The following NCKAP1L variants were observed in gnomAD, a reference collection of about 807,000 sequenced individuals.
NCKAP1L encodes the protein NCK associated protein 1 like, also known as nck-associated protein 1-like.
A neutral mutation model predicts 139.2 loss-of-function variants in NCKAP1L; 53 were observed. The ratio of observed to expected loss-of-function variants is 0.38; its 90% CI spans 0.31 to 0.48. The LOEUF (loss-of-function observed/expected upper bound fraction) is 0.48. Ranked by LOEUF, NCKAP1L falls within the 20% of genes least tolerant of loss-of-function variation. The pLI is 0.98. For missense variants in NCKAP1L, 1,151 were observed against 1,381.9 expected (o/e 0.83, Z 2.65); for synonymous variants, 468 against 499.7 (o/e 0.94, Z 0.85).
At position 54,523,481 on chromosome 12, in the gene NCKAP1L, C is replaced by T. The variant is rs867251323; in HGVS notation, c.1966C>T (p.Pro656Ser). The change falls in exon 19 of 31, where the codon CCC becomes TCC. Residue 656 changes from proline (P) to serine (S), a missense_variant. Transcript: ENST00000293373. ...GAGGCAGACTCCCAGAAAAGGAGAG[C>T]CCGAGAGGGACAAGCCAGGAGCTGA... ...KQRQTPRKGEPERDKPGAESH... is the reference protein window; with the variant it reads ...KQRQTPRKGESERDKPGAESH... 6.2e-7 allele frequency: 1 copy of T among 1,614,062 alleles called. No individual in the cohort carries two copies. The highest frequency in any genetic ancestry group is 8.5e-7 in the Non-Finnish European group (1 of 1,180,014).
At chr12:54,508,211 C>T (rs944098848) in intron 4 of NCKAP1L, among the ~76,000 whole-genome samples, 178 bp from the exon 5 acceptor site, 6 of 152,208 alleles carry the variant, frequency 3.9e-5, no homozygotes, top group African/African-American at 1.4e-4. Flanking sequence ...ATTGAGCTCA[C>T]TTTTAGCCCC....
intron 29 of NCKAP1L, among the ~76,000 whole-genome samples, chr12:54,538,341 T>A (rs144283951): frequency 6.6e-6 from 1 of 152,302 alleles, no homozygotes; most frequent in Non-Finnish European, 1.5e-5. Context: ...TTGCCTTCCC[T>A]TTTATCCTCT....
At chr12:54,501,244 T>C (rs551678783) in intron 3 of NCKAP1L, among the ~76,000 whole-genome samples, 1 of 152,342 alleles carries the variant, frequency 6.6e-6, no homozygotes, top group Admixed American at 6.5e-5. Flanking sequence ...TTCATCAGCC[T>C]AATGTCCTTA....
chr12:54,541,290 C>G (rs1176569586), intron 30 of NCKAP1L, among the ~76,000 whole-genome samples: 2 of 152,252 alleles, frequency 1.3e-5, no homozygotes, highest in Admixed American at 1.3e-4. Flanking sequence ...GGACTAGAAC[C>G]CAAGTTTCTT....
Position 54,499,417 on chromosome 12 carries a change from C to G in NCKAP1L, c.165C>G (p.Leu55=). 4 of 1,612,640 alleles carry G rather than the reference C, an allele frequency of 2.5e-6. No individual in the cohort carries two copies. The highest frequency in any genetic ancestry group is 3.4e-6 in the Non-Finnish European group (4 of 1,178,668). ...TGGAAAAGTCCATGGAACCATCTCT[C>G]AAGTATATCAACAAGAAATTTCCCA... is the stretch of plus-strand genomic sequence containing the variant. ...FLLEKSMEPS[L]KYINKKFPNI... is the part of the protein sequence containing the mutation. The change falls in exon 2 of 31, where the codon CTC becomes CTG. Residue 55 remains leucine (L), a synonymous_variant. Transcript: ENST00000293373.
intron 12 of NCKAP1L, 35 bp from the exon 13 acceptor site, chr12:54,517,771 C>G (rs752873693): frequency 6.2e-7 from 1 of 1,612,366 alleles, no homozygotes; most frequent in South Asian, 1.1e-5. Context: ...TATTTCTAGT[C>G]TTATTCATCT....
rs1003907417 is a variant in NCKAP1L, at chr12:54,545,194, T to A, written c.*2509T>A. Reference sequence around the variant, plus strand: ...TTTGATATATCTTTTTGTAAACATATAATTATACACACATATTTCTCTACC... The same window carrying A: ...TTTGATATATCTTTTTGTAAACATAAAATTATACACACATATTTCTCTACC... On this transcript the variant is annotated 3_prime_UTR_variant, in exon 31 of 31. Transcript: ENST00000293373. 6.6e-6 allele frequency: 1 copy of A among 152,226 alleles called. No individual in the cohort carries two copies. Among genetic ancestry groups the A allele is most frequent in the Non-Finnish European group, 1.5e-5 (1 of 68,036 alleles). 9.4% of individuals were successfully genotyped at this position (152,226 alleles called of 1,614,324 possible).
rs1297777438 is a variant in NCKAP1L, at chr12:54,526,537, G to A, written c.2166G>A (p.Val722=). 4 of 1,612,976 alleles carry A rather than the reference G, an allele frequency of 2.5e-6. No homozygotes were observed. The highest frequency in any genetic ancestry group is 1.3e-5 in the African/African-American group (1 of 74,898). ...TTTTTAAATCACCTAGAGCCATTGT[G>A]TGGCTGGCTGGCTACAATGCCACGA... ...HLEARLNRAI[V]WLAGYNATTQ... is the part of the protein sequence containing the mutation. Residue 722 remains valine, a synonymous_variant, in exon 21 of 31, where the codon GTG becomes GTA. Coordinates refer to ENST00000293373, the MANE Select transcript of NCKAP1L (RefSeq NM_005337.5).
At chr12:54,524,821 A>G (rs892862103) in intron 20 of NCKAP1L, among the ~76,000 whole-genome samples, 5 of 152,088 alleles carry the variant, frequency 3.3e-5, no homozygotes, top group African/African-American at 1.2e-4. Flanking sequence ...AGATAGGAGG[A>G]TGTGCGGTGC....
intron 3 of NCKAP1L, among the ~76,000 whole-genome samples, chr12:54,506,794 A>ATATATATATATATAT (rs1468649208): frequency 4.2e-3 from 100 of 23,700 alleles, no homozygotes; most frequent in South Asian, 0.013. Context: ...TTAAAAAAAA[A>ATATATATATATATAT]AAATATATAT....
At chr12:54,501,661 C>T (rs1956798931) in intron 3 of NCKAP1L, among the ~76,000 whole-genome samples, 1 of 152,100 alleles carries the variant, frequency 6.6e-6, no homozygotes. Context: ...CATGCCACCA[C>T]ACCTGGCTAA....
intron 3 of NCKAP1L, among the ~76,000 whole-genome samples, chr12:54,505,494 C>T (rs1410856952): frequency 6.6e-6 from 1 of 151,570 alleles, no homozygotes; most frequent in African/African-American, 2.4e-5. Flanking sequence ...CACTTCTGGC[C>T]CCAGGCAACC....
At chr12:54,504,586 C>T (rs368089689) in intron 3 of NCKAP1L, among the ~76,000 whole-genome samples, 1 of 152,104 alleles carries the variant, frequency 6.6e-6, no homozygotes, top group African/African-American at 2.4e-5. Flanking sequence ...GTGTTTGGTA[C>T]GGCTTGTTTA....
chr12:54,535,699 T>C (rs1957108902), intron 27 of NCKAP1L, among the ~76,000 whole-genome samples: 2 of 152,250 alleles, frequency 1.3e-5, no homozygotes, highest in East Asian at 1.9e-4. Flanking sequence ...ATTTCAGTCA[T>C]ACCTATACAC....
In NCKAP1L at chr12:54,516,293, CAGGTAA is replaced by C. The variant is rs1251324088; in HGVS notation, c.998+2_998+7del. On this transcript the variant is annotated splice_donor_variant and splice_donor_region_variant and coding_sequence_variant and intron_variant, in exon 10 of 31. Transcript: ENST00000293373. LOFTEE classifies it high-confidence loss of function. Reference sequence around the variant, plus strand: ...AGAGCAAGGAACATGTAATTGCAAACAGGTAAAGGGTGGTGAATGCACTCTCTGAGA... The same window carrying C: ...AGAGCAAGGAACATGTAATTGCAAACAGGGTGGTGAATGCACTCTCTGAGA... The C allele has an allele frequency of 6.2e-7, 1 of 1,613,822 alleles. No individual in the cohort carries two copies. Among genetic ancestry groups the C allele is most frequent in the Non-Finnish European group, 8.5e-7 (1 of 1,179,812 alleles).
In NCKAP1L at chr12:54,544,278, A is replaced by G. The variant is rs1400576610; in HGVS notation, c.*1593A>G. On this transcript the variant is annotated 3_prime_UTR_variant, in exon 31 of 31. Coordinates refer to ENST00000293373, the MANE Select transcript of NCKAP1L (RefSeq NM_005337.5). ...AGAGGAGGCTCAGAAGTATCTGAAC[A>G]ACTACTCTATATGTTTATATTTTTC... 1.3e-5 allele frequency: 2 copies of G among 152,184 alleles called. No individual in the cohort carries two copies. The highest frequency in any genetic ancestry group is 2.9e-5 in the Non-Finnish European group (2 of 68,040). The allele number at this position is 152,184 out of a possible 1,614,324, so 9.4% of individuals were successfully genotyped here.
chr12:54,499,779 T>C (rs1376683546), intron 2 of NCKAP1L, among the ~76,000 whole-genome samples: 1 of 151,968 alleles, frequency 6.6e-6, no homozygotes, highest in African/African-American at 2.4e-5. Flanking sequence ...ATGTATTTTA[T>C]TGTTTCTGTT....
At chr12:54,540,567 T>C (rs918879784) in intron 30 of NCKAP1L, among the ~76,000 whole-genome samples, 4 of 152,222 alleles carry the variant, frequency 2.6e-5, no homozygotes, top group African/African-American at 7.2e-5. Flanking sequence ...ATAATCCTTA[T>C]GATAGAGTGG....
chr12:54,498,636 T>C (rs1170012929), intron 1 of NCKAP1L: 2 of 252,444 alleles, frequency 7.9e-6, no homozygotes, highest in African/African-American at 2.3e-5. Context: ...TCTGTCACCA[T>C]GAATCCTGTA....
Sources: allele counts gnomAD v4.1 joint callset (sites outside exome capture counted in the v4.1 genomes callset), GRCh38; gene constraint gnomAD v4.1.1; transcripts MANE v1.5; gene names NCBI Gene and HGNC (gene_info 2026-07-23, HGNC 2026-07-21).